NAV1: variants seen among roughly 807,000 people sequenced by gnomAD.
NAV1 encodes the protein pore membrane and/or filament interacting like protein 3.
Under a neutral mutation model 175.2 loss-of-function variants are expected in NAV1, and 18 were observed. The ratio of observed to expected loss-of-function variants is 0.10; its 90% CI spans 0.07 to 0.15. The LOEUF (loss-of-function observed/expected upper bound fraction) is 0.15, where lower values mean the gene tolerates loss of function less well. Among genes scored for constraint, NAV1 ranks in the 10% least tolerant of loss-of-function variants. The pLI is 1.00. For synonymous variants in NAV1, 897 were observed against 978.7 expected (o/e 0.92, Z 1.56); for missense variants, 1,731 against 2,436.6 (o/e 0.71, Z 6.10).
At chr1:201,640,576 G>T (rs1407425596) in intron 2 of NAV1, among the ~76,000 whole-genome samples, 1 of 152,208 alleles carries the variant, frequency 6.6e-6, no homozygotes, top group Non-Finnish European at 1.5e-5. Context: ...GCAGAAGAGG[G>T]TCTCAGCCCT....
At chr1:201,649,756 G>A (rs527709364) in intron 1 of NAV1, among the ~76,000 whole-genome samples, 2 of 152,236 alleles carry the variant, frequency 1.3e-5, no homozygotes, top group African/African-American at 2.4e-5. Context: ...GCAAAACCTG[G>A]GACTGGTGGA....
intron 1 of NAV1, among the ~76,000 whole-genome samples, chr1:201,568,547 G>T (rs1388795623): frequency 6.6e-6 from 1 of 152,112 alleles, no homozygotes; most frequent in Non-Finnish European, 1.5e-5. Context: ...AAACATGCTG[G>T]CTGCCTAGTG....
intron 1 of NAV1, among the ~76,000 whole-genome samples, chr1:201,573,312 T>C (rs1180531813): frequency 1.0e-5 from 1 of 99,444 alleles, no homozygotes; most frequent in African/African-American, 5.3e-5. Flanking sequence ...TCTCCTGATA[T>C]GTGTGTGTGT....
chr1:201,681,477 CT>C (rs1261695900), intron 1 of NAV1, among the ~76,000 whole-genome samples: 1 of 152,160 alleles, frequency 6.6e-6, no homozygotes, highest in Non-Finnish European at 1.5e-5. Context: ...CCATGGGATC[CT>C]GCTTTGGCAG....
Position 201,808,982 on chromosome 1 carries a change from C to G in NAV1, c.4207+111C>G. On this transcript the variant is annotated intron_variant, in intron 20 of 29. Coordinates refer to ENST00000367296, the Ensembl canonical transcript of NAV1. This position sits in a 1 kb window ranked among gnomAD's most constrained non-coding sequence, Gnocchi z 5.5. Reference sequence around the variant, plus strand: ...GGGCGGTAACAATGCCGAAGCCAAGCAGATGCCAGTGTCCTAAGACACTGA... The same window carrying G: ...GGGCGGTAACAATGCCGAAGCCAAGGAGATGCCAGTGTCCTAAGACACTGA... The G allele has an allele frequency of 7.2e-7, 1 of 1,387,200 alleles. No homozygotes were observed. Among genetic ancestry groups the G allele is most frequent in the Non-Finnish European group, 9.9e-7 (1 of 1,005,658 alleles). 85.9% of individuals were successfully genotyped at this position (1,387,200 alleles called of 1,614,324 possible).
Position 201,785,298 on chromosome 1 carries a change from T to G in NAV1, c.2805-12T>G, listed in dbSNP as rs1231933204. 4.4e-6 allele frequency: 7 copies of G among 1,587,326 alleles called. No homozygotes were observed. The highest frequency in any genetic ancestry group is 6.0e-6 in the Non-Finnish European group (7 of 1,170,236). On this transcript the variant is annotated splice_polypyrimidine_tract_variant and intron_variant, in intron 7 of 29. Coordinates refer to ENST00000367296, the Ensembl canonical transcript of NAV1. ...TCTCTCTCTCTTTTTTTTTTTTTTT[T>G]TATCTCCACAGTAATCAGCGGGATC...
Position 201,810,690 on chromosome 1 carries a change from G to A in NAV1, c.4729G>A (p.Glu1577Lys). The A allele has an allele frequency of 6.2e-7, 1 of 1,614,132 alleles. No homozygotes were observed. The highest frequency in any genetic ancestry group is 8.5e-7 in the Non-Finnish European group (1 of 1,180,014). Residue 1577 changes from glutamate to lysine, a missense_variant, in exon 24 of 30, where the codon GAG becomes AAG. Physicochemically the swap from Glu to Lys is moderately conservative, Grantham distance 56. Transcript: ENST00000367296. This position sits in a 1 kb window ranked among gnomAD's most constrained non-coding sequence, Gnocchi z 6.0. ...CAATCGCTTGGCCGAGTACCTGGTG[G>A]AGCGCTCTGGCCGTGAGGTCACAGA... is the stretch of plus-strand genomic sequence containing the variant.
At chr1:201,551,224 G>C (rs1256624955) in intron 1 of NAV1, among the ~76,000 whole-genome samples, 1 of 152,018 alleles carries the variant, frequency 6.6e-6, no homozygotes, top group Non-Finnish European at 1.5e-5. Context: ...CCAGTGGACT[G>C]GTGTCTTTCT....
chr1:201,769,658 G>C (rs757991284), intron 3 of NAV1, among the ~76,000 whole-genome samples: 1 of 152,016 alleles, frequency 6.6e-6, no homozygotes, highest in South Asian at 2.1e-4. Flanking sequence ...GATAAAGTTA[G>C]TTATTCTCTT....
At chr1:201,625,864 T>C (rs1227822327) in intron 1 of NAV1, among the ~76,000 whole-genome samples, 1 of 152,244 alleles carries the variant, frequency 6.6e-6, no homozygotes, top group Non-Finnish European at 1.5e-5. Context: ...TCAAATATTT[T>C]AATGCAGCTT....
chr1:201,724,045 G>T (rs1448416152), intron 3 of NAV1: 2 of 152,138 alleles, frequency 1.3e-5, no homozygotes, highest in Non-Finnish European at 2.9e-5. Context: ...TCCTCTGGAA[G>T]CTCTCAGGAC....
At chr1:201,733,114 C>CT (rs1202702215) in intron 3 of NAV1, among the ~76,000 whole-genome samples, 3 of 148,936 alleles carry the variant, frequency 2.0e-5, no homozygotes, top group African/African-American at 7.5e-5. Flanking sequence ...GGCATGGTGG[C>CT]TTATGCCTGT....
At chr1:201,700,493 T>G (rs563014649) in intron 1 of NAV1, among the ~76,000 whole-genome samples, 3 of 152,140 alleles carry the variant, frequency 2.0e-5, no homozygotes, top group Non-Finnish European at 4.4e-5. Flanking sequence ...TTGGTGGGAG[T>G]GTAAACTAGT....
In NAV1 at chr1:201,588,600, A is replaced by G. The variant is rs558576036; in HGVS notation, c.-82A>G. ...ACTCCTAGCCTCAAGTGATCCTCCC[A>G]CCTCAGCCTCCCAAAGTGCTGGGAT... On this transcript the variant is annotated 5_prime_UTR_variant, in exon 2 of 34. Transcript: ENST00000685211. 2.7e-5 allele frequency among the ~76,000 whole-genome samples: 4 copies of G among 146,578 alleles called. No individual in the cohort carries two copies. In the East Asian group the frequency reaches 6.0e-4, roughly 22 times the overall value.
intron 1 of NAV1, among the ~76,000 whole-genome samples, chr1:201,658,568 G>C (rs565906637): frequency 6.6e-6 from 1 of 152,256 alleles, no homozygotes; most frequent in Admixed American, 6.5e-5. Context: ...TGGTGAAAGA[G>C]GAGATGAGAT....
chr1:201,734,493 G>GAAGAAGAAGAAGAAGAAGAAGAAGAAGA (rs1558109103), intron 3 of NAV1, among the ~76,000 whole-genome samples: 2 of 71,628 alleles, frequency 2.8e-5, no homozygotes, highest in Admixed American at 1.3e-4. Flanking sequence ...GAGGAAGAAG[G>GAAGAAGAAGAAGAAGAAGAAGAAGAAGA]AGAAGGAGAA....
exon 1 of NAV1, chr1:201,648,742 A>G (rs894308348): frequency 1.8e-5 from 25 of 1,410,858 alleles, no homozygotes; most frequent in Non-Finnish European, 2.3e-5. Flanking sequence ...GAGGGCGCGG[A>G]CGAACCGCGG....
intron 1 of NAV1, among the ~76,000 whole-genome samples, chr1:201,662,797 TG>T (rs1369155413): frequency 6.6e-6 from 1 of 152,212 alleles, no homozygotes; most frequent in African/African-American, 2.4e-5. Flanking sequence ...GTGCTCACAA[TG>T]GGCTTCATTC....
chr1:201,649,188 A>G (rs1360896200), exon 1 of NAV1: 1 of 1,612,584 alleles, frequency 6.2e-7, no homozygotes. Flanking sequence ...GCCGAGCCGG[A>G]TCCCTCGAGG....
Sources: gnomAD v4.1 joint callset for allele counts (sites outside exome capture counted in the v4.1 genomes callset) on GRCh38, gnomAD v4.1.1 for gene constraint, Gnocchi (gnomAD v3.1) non-coding constraint, MANE v1.5 for transcripts, NCBI Gene and HGNC (gene_info 2026-07-23, HGNC 2026-07-21) for gene names.